The following SLC6A18 variants were observed in gnomAD, a reference collection of about 807,000 sequenced individuals.
SLC6A18 encodes the protein inactive sodium-dependent neutral amino acid transporter B(0)AT3.
A neutral mutation model predicts 62.9 loss-of-function variants in SLC6A18; 58 were observed. The ratio of observed to expected loss-of-function variants is 0.92; its 90% CI spans 0.75 to 1.15. The LOEUF is 1.15. Ranked by LOEUF, SLC6A18 falls within the 50% of genes most tolerant of loss-of-function variation. The pLI is 0.00. For synonymous variants in SLC6A18, 382 were observed against 365.8 expected, an observed-to-expected ratio of 1.04 and a Z score of -0.51; for missense variants, 793 against 836.6, an observed-to-expected ratio of 0.95 and a Z score of 0.64.
intron 6 of SLC6A18, among the ~76,000 whole-genome samples, chr5:1,239,981 A>G (rs753766182): frequency 2.0e-5 from 3 of 152,244 alleles, no homozygotes; most frequent in Non-Finnish European, 2.9e-5. Flanking sequence ...ATGAACCTGA[A>G]ACAAGCCTTA....
At position 1,225,582 on chromosome 5, in the gene SLC6A18, C is replaced by T. The variant is rs33945178; in HGVS notation, c.105C>T (p.Ala35=). 13 of 1,610,482 alleles carry T rather than the reference C, an allele frequency of 8.1e-6. No individual in the cohort carries two copies. Among genetic ancestry groups the T allele is most frequent in the African/African-American group, 6.7e-5 (5 of 74,748 alleles). The change falls in exon 1 of 12, where the codon GCC becomes GCT. Residue 35 remains alanine (A), a synonymous_variant. Coordinates refer to ENST00000324642, the MANE Select transcript of SLC6A18 (RefSeq NM_182632.3). ...AQYLLSCTGF[A]VGLGNIWRFP... ...ACCTCCTGAGCTGCACTGGGTTTGC[C>T]GTGGGACTGGGGAACATTTGGCGGT...
Position 1,232,308 on chromosome 5 carries a change from A to G in SLC6A18, c.250A>G (p.Lys84Glu). 1 of 1,612,374 alleles carries G rather than the reference A, an allele frequency of 6.2e-7. No homozygotes were observed. The highest frequency in any genetic ancestry group is 8.5e-7 in the Non-Finnish European group (1 of 1,179,830). The part of the protein sequence containing the change: ...VELAIGQRLR[K>E]GSVGVWTAIS... ...GCTCGCCATCGGCCAGCGGCTGCGGAAGGGCAGCGTCGGCGTGTGGACGGC... is the reference window on the plus strand; with the variant it reads ...GCTCGCCATCGGCCAGCGGCTGCGGGAGGGCAGCGTCGGCGTGTGGACGGC... The change falls in exon 2 of 12, where the codon AAG becomes GAG. Residue 84 changes from lysine (K) to glutamate (E), a missense_variant. By Grantham distance (56) the Lys-to-Glu change is moderately conservative. Transcript: ENST00000324642.
rs748211910 is a variant in SLC6A18, at chr5:1,238,024, G to A, written c.696G>A (p.Gly232=). 6.2e-7 allele frequency: 1 copy of A among 1,614,168 alleles called. No individual in the cohort carries two copies. Among genetic ancestry groups the A allele is most frequent in the East Asian group, 2.2e-5 (1 of 44,878 alleles). ...IFLIRGLTLP[G]ATKGLIYLFT... is the part of the protein sequence containing the mutation. ...TCATCAGAGGGCTGACCCTGCCAGG[G>A]GCAACAAAAGGACTCATCTACTTGT... Residue 232 remains glycine (G), a synonymous_variant, in exon 5 of 12, where the codon GGG becomes GGA. Coordinates refer to ENST00000324642, the MANE Select transcript of SLC6A18 (RefSeq NM_182632.3).
intron 4 of SLC6A18, among the ~76,000 whole-genome samples, chr5:1,237,504 G>C (rs1274988682): frequency 6.6e-6 from 1 of 152,148 alleles, no homozygotes; most frequent in East Asian, 1.9e-4. Flanking sequence ...GAGAACTCGA[G>C]AGTGGACAGG....
Position 1,232,804 on chromosome 5 carries a change from G to A in SLC6A18, c.355G>A (p.Val119Met), listed in dbSNP as rs537739014. Residue 119 changes from valine to methionine, a missense_variant, in exon 3 of 12, where the codon GTG becomes ATG. Transcript: ENST00000324642. ...FLISLYYNTI[V>M]AWVLWYLLNS... ...GATCAGCCTGTACTACAACACCATC[G>A]TGGCGTGGGTGCTGTGGTACCTCCT... is the stretch of plus-strand genomic sequence containing the variant. The A allele has an allele frequency of 1.1e-5, 17 of 1,613,472 alleles. No homozygotes were observed. The highest frequency in any genetic ancestry group is 8.9e-5 in the East Asian group (4 of 44,876).
At chr5:1,229,765 C>T (rs924544611) in intron 1 of SLC6A18, among the ~76,000 whole-genome samples, 2 of 151,426 alleles carry the variant, frequency 1.3e-5, no homozygotes, top group Admixed American at 6.6e-5. Flanking sequence ...AAGAAGGCCT[C>T]CACGGTGCAG....
In SLC6A18 at chr5:1,237,968, T is replaced by C; in HGVS notation, c.640T>C (p.Leu214=). The change falls in exon 5 of 12, where the codon TTG becomes CTG. Residue 214 remains leucine, a synonymous_variant. Coordinates refer to ENST00000324642, the MANE Select transcript of SLC6A18 (RefSeq NM_182632.3). The part of the protein sequence containing the change: ...TTGKVIYFTA[L]FPYLVLTIFL... ...TTTCAAGGTGATTTACTTCACAGCTTTGTTCCCTTACCTGGTCCTGACCAT... is the reference window on the plus strand; with the variant it reads ...TTTCAAGGTGATTTACTTCACAGCTCTGTTCCCTTACCTGGTCCTGACCAT... The C allele has an allele frequency of 6.2e-7, 1 of 1,614,156 alleles. No individual in the cohort carries two copies. Among genetic ancestry groups the C allele is most frequent in the Non-Finnish European group, 8.5e-7 (1 of 1,180,012 alleles).
intron 4 of SLC6A18, among the ~76,000 whole-genome samples, chr5:1,235,975 T>C (rs1746874098): frequency 1.3e-5 from 2 of 152,250 alleles, no homozygotes. Flanking sequence ...TGAAAGTGTT[T>C]TTCTTGTAGA....
At chr5:1,244,810 C>G (rs371494607) in intron 11 of SLC6A18, 43 bp downstream of exon 11, 3 of 1,562,568 alleles carry the variant, frequency 1.9e-6, no homozygotes, top group Non-Finnish European at 2.6e-6. Flanking sequence ...TGGGACCCCT[C>G]GGGCTTGGTC....
At chr5:1,240,173 A>C (rs1218637922) in intron 6 of SLC6A18, among the ~76,000 whole-genome samples, 2 of 152,224 alleles carry the variant, frequency 1.3e-5, no homozygotes, top group Non-Finnish European at 2.9e-5. Context: ...TTGAACTCAC[A>C]CTGGAGCTGC....
chr5:1,239,177 C>T (rs1452119025), intron 5 of SLC6A18, among the ~76,000 whole-genome samples: 1 of 152,258 alleles, frequency 6.6e-6, no homozygotes, highest in Non-Finnish European at 1.5e-5. Context: ...CATCTCCAGC[C>T]CCAAAAAACC....
Position 1,244,641 on chromosome 5 carries a change from G to A in SLC6A18, c.1530G>A (p.Arg510=). Residue 510 remains arginine (R), a synonymous_variant, in exon 11 of 12, where the codon AGG becomes AGA. Coordinates refer to ENST00000324642, the MANE Select transcript of SLC6A18 (RefSeq NM_182632.3). ...ATGACATTGCGTGGATGACCGGGAG[G>A]CGGCCCAGCCCCTACTGGCGGCTGA... ...FCDDIAWMTG[R]RPSPYWRLTW... 6.2e-7 allele frequency: 1 copy of A among 1,607,584 alleles called. No individual in the cohort carries two copies. Among genetic ancestry groups the A allele is most frequent in the South Asian group, 1.1e-5 (1 of 90,782 alleles).
chr5:1,238,295 TGGGCCTG>T (rs1746945830), intron 5 of SLC6A18, among the ~76,000 whole-genome samples: 3 of 121,806 alleles, frequency 2.5e-5, no homozygotes, highest in East Asian at 4.5e-4. Flanking sequence ...AGGTTTGGAG[TGGGCCTG>T]GAGGACTCAG....
At chr5:1,238,971 G>C (rs990154131) in intron 5 of SLC6A18, among the ~76,000 whole-genome samples, 1 of 152,246 alleles carries the variant, frequency 6.6e-6, no homozygotes, top group African/African-American at 2.4e-5. Flanking sequence ...CCAGGGGCTG[G>C]TGTGGGAGTG....
intron 1 of SLC6A18, among the ~76,000 whole-genome samples, chr5:1,228,318 C>A (rs1023807427): frequency 4.6e-5 from 7 of 152,212 alleles, no homozygotes; most frequent in African/African-American, 1.4e-4. Flanking sequence ...GGCACTGGAG[C>A]ACCATCTGCC....
At chr5:1,235,843 G>A in intron 4 of SLC6A18, among the ~76,000 whole-genome samples, 181 bp downstream of exon 4, 1 of 152,084 alleles carries the variant, frequency 6.6e-6, no homozygotes, top group East Asian at 1.9e-4. Flanking sequence ...TTTTATTCTG[G>A]TGATATTCTT....
Position 1,243,206 on chromosome 5 carries a change from G to A in SLC6A18, c.1131+343G>A, listed in dbSNP as rs1480712841. 1.3e-5 allele frequency among the ~76,000 whole-genome samples: 2 copies of A among 152,178 alleles called. No individual in the cohort carries two copies. Among genetic ancestry groups the A allele is most frequent in the Non-Finnish European group, 2.9e-5 (2 of 68,018 alleles). On this transcript the variant is annotated intron_variant, in intron 8 of 11. Transcript: ENST00000324642. This position sits in a 1 kb window ranked among gnomAD's most constrained non-coding sequence, Gnocchi z 6.5. ...ATGGCTGGGGTCAAGCCACACTCAGGGCCAGTGTATGCCTGGACCTAGGGG... is the reference window on the plus strand; with the variant it reads ...ATGGCTGGGGTCAAGCCACACTCAGAGCCAGTGTATGCCTGGACCTAGGGG...
intron 7 of SLC6A18, among the ~76,000 whole-genome samples, chr5:1,242,339 G>A (rs918609324): frequency 1.3e-5 from 2 of 152,056 alleles, no homozygotes; most frequent in Non-Finnish European, 2.9e-5. Flanking sequence ...ACGTCCACAC[G>A]ATCCCAACAG....
rs144018012 is a variant in SLC6A18, at chr5:1,235,494, G to A, written c.453G>A (p.Glu151=). ...CCCTGGTTTCAGGGTTTGTGGAGGA[G>A]TGCCAGGGCAGCAGCGCCGTGAGCT... ...PDLNRTGFVE[E]CQGSSAVSYF... is the part of the protein sequence containing the mutation. The change falls in exon 4 of 12, where the codon GAG becomes GAA. Residue 151 remains glutamate (E), a synonymous_variant. Transcript: ENST00000324642. 7 of 1,613,902 alleles carry A rather than the reference G, an allele frequency of 4.3e-6. No individual in the cohort carries two copies. The highest frequency in any genetic ancestry group is 5.9e-6 in the Non-Finnish European group (7 of 1,179,920).
Sources: gnomAD v4.1 joint callset for allele counts (sites outside exome capture counted in the v4.1 genomes callset) on GRCh38, gnomAD v4.1.1 for gene constraint, Gnocchi (gnomAD v3.1) non-coding constraint, MANE v1.5 for transcripts, NCBI Gene and HGNC (gene_info 2026-07-23, HGNC 2026-07-21) for gene names.